ZDHHC21: variants seen among roughly 807,000 people sequenced by gnomAD.
ZDHHC21 encodes palmitoyltransferase ZDHHC21.
ZDHHC21 carries 15 observed loss-of-function variants against 34.6 expected under a neutral mutation model. The ratio of observed to expected loss-of-function variants is 0.43; its 90% confidence interval spans 0.29 to 0.67. ZDHHC21 has a LOEUF of 0.67. ZDHHC21 is among the 30% of genes least tolerant of loss of function. The probability of loss-of-function intolerance (pLI) is 0.14; values close to 1 mark genes in which losing one functional copy is unlikely to be tolerated. For missense variants in ZDHHC21, 344 were observed against 327.7 expected, an observed-to-expected ratio of 1.05 and a Z score of -0.38; for synonymous variants, 142 against 101.8, an observed-to-expected ratio of 1.40 and a Z score of -2.38.
At chr9:14,608,631 C>T (rs1185345488), downstream of ZDHHC21, among the ~76,000 whole-genome samples, 1 of 151,316 alleles carries the variant, frequency 6.6e-6, no homozygotes, top group Non-Finnish European at 1.5e-5. Context: ...GTGACTGATA[C>T]AAATATTTTT....
At chr9:14,648,542 G>A (rs1830662864) in intron 7 of ZDHHC21, among the ~76,000 whole-genome samples, 2 of 152,032 alleles carry the variant, frequency 1.3e-5, no homozygotes, top group Admixed American at 1.3e-4. Flanking sequence ...ACTTGCTTGA[G>A]TTCCAGGTCT....
At chr9:14,603,024 G>C in the ZDHHC21 span, among the ~76,000 whole-genome samples, 1 of 150,964 alleles carries the variant, frequency 6.6e-6, no homozygotes, top group Non-Finnish European at 1.5e-5. Context: ...AAACAGGTCC[G>C]CGTTTCCTGG....
chr9:14,630,107 T>C (rs1272264265), intron 8 of ZDHHC21, among the ~76,000 whole-genome samples: 2 of 152,198 alleles, frequency 1.3e-5, no homozygotes, highest in Admixed American at 6.5e-5. Flanking sequence ...CTTCCTTTCA[T>C]GAACGATTTC....
intron 2 of ZDHHC21, among the ~76,000 whole-genome samples, chr9:14,685,768 A>G (rs1028819345): frequency 2.6e-5 from 4 of 152,246 alleles, no homozygotes; most frequent in African/African-American, 9.6e-5. Context: ...TGTGTATTGC[A>G]GCACTATTCA....
the ZDHHC21 span, among the ~76,000 whole-genome samples, chr9:14,596,474 G>A: frequency 6.6e-6 from 1 of 152,230 alleles, no homozygotes; most frequent in African/African-American, 2.4e-5. Context: ...CATGCTGCTT[G>A]TGTGTGTTGT....
intron 8 of ZDHHC21, among the ~76,000 whole-genome samples, chr9:14,639,266 C>A (rs1467731518): frequency 1.3e-5 from 2 of 152,124 alleles, no homozygotes; most frequent in Admixed American, 6.5e-5. Context: ...CACAGAAAGA[C>A]AAATATCATA....
At chr9:14,648,315 A>AG (rs1830627361) in intron 7 of ZDHHC21, among the ~76,000 whole-genome samples, 1 of 122,462 alleles carries the variant, frequency 8.2e-6, no homozygotes, top group Non-Finnish European at 1.8e-5. Context: ...CATAGCAATC[A>AG]GGTTTTTTTT....
At chr9:14,591,796 T>C in the ZDHHC21 span, among the ~76,000 whole-genome samples, 1 of 152,186 alleles carries the variant, frequency 6.6e-6, no homozygotes. Flanking sequence ...TTTCAGTATA[T>C]CTCTTATAAA....
chr9:14,622,487 G>A (rs187423680), intron 8 of ZDHHC21: 12 of 980,910 alleles, frequency 1.2e-5, no homozygotes, highest in Non-Finnish European at 1.5e-5. Flanking sequence ...GAGGTTGCAG[G>A]GGGGTGGGAT....
intron 2 of ZDHHC21, among the ~76,000 whole-genome samples, chr9:14,688,354 A>ATAAGTTT (rs1554793344): frequency 6.6e-6 from 1 of 150,924 alleles, no homozygotes; most frequent in Admixed American, 6.5e-5. Context: ...AAAGTGAAAG[A>ATAAGTTT]TAAGTTTTAC....
At chr9:14,594,421 T>A in the ZDHHC21 span, among the ~76,000 whole-genome samples, 1 of 152,184 alleles carries the variant, frequency 6.6e-6, no homozygotes, top group African/African-American at 2.4e-5. Flanking sequence ...ATCAATTGAT[T>A]ATCAATAAAT....
At chr9:14,684,422 A>G (rs1837942877) in intron 2 of ZDHHC21, among the ~76,000 whole-genome samples, 1 of 147,094 alleles carries the variant, frequency 6.8e-6, no homozygotes, top group Non-Finnish European at 1.5e-5. Context: ...ACAAACAGAG[A>G]GCCAAATCAT....
At chr9:14,652,638 A>G (rs1320029694) in intron 7 of ZDHHC21, among the ~76,000 whole-genome samples, 1 of 151,958 alleles carries the variant, frequency 6.6e-6, no homozygotes, top group Non-Finnish European at 1.5e-5. Context: ...GAAGAGAGAA[A>G]TGGAAGAAAA....
At chr9:14,648,687 C>T (rs74819485) in intron 7 of ZDHHC21, among the ~76,000 whole-genome samples, 4,914 of 152,170 alleles carry the variant, frequency 0.032, 253 homozygotes, top group African/African-American at 0.11. Flanking sequence ...GGAACGTAAG[C>T]TCCTTAAACA....
chr9:14,656,045 G>A (rs1207174624), intron 7 of ZDHHC21, among the ~76,000 whole-genome samples: 1 of 151,562 alleles, frequency 6.6e-6, no homozygotes, highest in Non-Finnish European at 1.5e-5. Flanking sequence ...AGAATAAAGA[G>A]GCATATTTTA....
intron 7 of ZDHHC21, among the ~76,000 whole-genome samples, chr9:14,645,422 T>C (rs909649895): frequency 6.6e-6 from 1 of 152,094 alleles, no homozygotes. Flanking sequence ...ACTGAAACCC[T>C]GACTTCTATC....
chr9:14,606,602 C>A (rs367784620), downstream of ZDHHC21, among the ~76,000 whole-genome samples: 10 of 152,028 alleles, frequency 6.6e-5, no homozygotes, highest in East Asian at 1.7e-3. Flanking sequence ...AATGCCTGAC[C>A]CACAGAAACT....
Position 14,658,840 on chromosome 9 carries a change from A to C in ZDHHC21, c.413T>G (p.Leu138Trp), listed in dbSNP as rs772382710. The C allele has an allele frequency of 6.2e-7, 1 of 1,613,636 alleles. No homozygotes were observed. The highest frequency in any genetic ancestry group is 8.5e-7 in the Non-Finnish European group (1 of 1,179,682). Reference protein sequence around the residue: ...GEDNHWLFLQLCFYTELLTCY... With the variant: ...GEDNHWLFLQWCFYTELLTCY... ...AGTAAGAAGTTCAGTGTAGAAACAC[A>C]ACTGCAGAAAGAGCCAATGATTATC... The change falls in exon 7 of 10, where the codon TTG becomes TGG. Residue 138 changes from leucine to tryptophan, a missense_variant. Leu to Trp is a moderately conservative substitution (Grantham distance 61). Transcript: ENST00000380916.
At chr9:14,674,038 G>A in intron 4 of ZDHHC21, 149 bp downstream of exon 4, 1 of 451,110 alleles carries the variant, frequency 2.2e-6, no homozygotes. Flanking sequence ...ATTTCCATAA[G>A]TTCATAAATT....
Sources: gnomAD v4.1 joint callset for allele counts (sites outside exome capture counted in the v4.1 genomes callset) on GRCh38, gnomAD v4.1.1 for gene constraint, MANE v1.5 for transcripts, NCBI Gene and HGNC (gene_info 2026-07-23, HGNC 2026-07-21) for gene names.